Variants in ZPBP observed in about 807,000 individuals in gnomAD.
The protein encoded by ZPBP is zona pellucida-binding protein 1.
A neutral mutation model predicts 44.8 loss-of-function variants in ZPBP; 26 were observed. The ratio of observed to expected loss-of-function variants is 0.58; its 90% CI spans 0.43 to 0.81. The LOEUF is 0.81. ZPBP is among the 30% of genes least tolerant of loss of function. ZPBP has a pLI of 0.00. For missense variants in ZPBP, 409 were observed against 434.0 expected (o/e 0.94, Z 0.51); for synonymous variants, 174 against 153.2 (o/e 1.14, Z -1.00).
At chr7:49,899,036 C>T (rs1792559029) in intron 2 of ZPBP, among the ~76,000 whole-genome samples, 1 of 152,000 alleles carries the variant, frequency 6.6e-6, no homozygotes, top group Non-Finnish European at 1.5e-5. Context: ...GGGCTATATA[C>T]ACCAAGAAAC....
chr7:50,060,751 C>T (rs1455557991), intron 3 of ZPBP, among the ~76,000 whole-genome samples: 1 of 152,108 alleles, frequency 6.6e-6, no homozygotes, highest in Non-Finnish European at 1.5e-5. Context: ...GGGCTGGTAC[C>T]AATCCTAGCT....
intron 1 of ZPBP, among the ~76,000 whole-genome samples, chr7:49,901,800 T>C (rs563732770): frequency 6.7e-6 from 1 of 149,960 alleles, no homozygotes; most frequent in South Asian, 2.1e-4. Context: ...CAGTGTGGTA[T>C]TGGCAAAAGA....
intron 2 of ZPBP, among the ~76,000 whole-genome samples, chr7:49,872,934 A>AAAG (rs1371607375): frequency 2.7e-5 from 4 of 148,688 alleles, no homozygotes; most frequent in East Asian, 1.9e-4. Context: ...AAAAAAAAAA[A>AAAG]AAAGAAAGAA....
intron 7 of ZPBP, among the ~76,000 whole-genome samples, chr7:49,954,473 A>G (rs1795485223): frequency 6.6e-6 from 1 of 152,208 alleles, no homozygotes; most frequent in African/African-American, 2.4e-5. Context: ...GATTTTGTCC[A>G]TCAAAGTATA....
chr7:49,889,521 A>G (rs1334371457), intron 2 of ZPBP, among the ~76,000 whole-genome samples: 1 of 152,198 alleles, frequency 6.6e-6, no homozygotes, highest in East Asian at 1.9e-4. Flanking sequence ...CCAGTGAAAG[A>G]AGGAGTCCCG....
chr7:49,848,060 T>C (rs1290713321), downstream of ZPBP, among the ~76,000 whole-genome samples: 1 of 152,188 alleles, frequency 6.6e-6, no homozygotes, highest in African/African-American at 2.4e-5. Context: ...AGTCGGAAGC[T>C]TCTACAGGTC....
chr7:49,989,786 C>A (rs1019892013), intron 6 of ZPBP, among the ~76,000 whole-genome samples: 1 of 152,142 alleles, frequency 6.6e-6, no homozygotes, highest in South Asian at 2.1e-4. Flanking sequence ...TAGTTCTGAG[C>A]AATTATCCTG....
chr7:50,032,731 G>C (rs759202926), intron 4 of ZPBP, among the ~76,000 whole-genome samples: 35 of 152,186 alleles, frequency 2.3e-4, no homozygotes, highest in South Asian at 6.2e-4. Flanking sequence ...TGAGATTGTT[G>C]TAGTTGGTAG....
At chr7:50,088,343 T>G (rs992650800) in intron 2 of ZPBP, among the ~76,000 whole-genome samples, 1 of 151,984 alleles carries the variant, frequency 6.6e-6, no homozygotes, top group East Asian at 1.9e-4. Flanking sequence ...AACATAGGAA[T>G]AACACTTTGT....
chr7:49,960,391 G>A (rs1167156781), intron 7 of ZPBP, among the ~76,000 whole-genome samples: 1 of 151,926 alleles, frequency 6.6e-6, no homozygotes, highest in Non-Finnish European at 1.5e-5. Context: ...ACTCCAGCCT[G>A]GGCAGCAGAG....
chr7:49,856,610 A>C (rs1790426331), intron 2 of ZPBP, among the ~76,000 whole-genome samples: 1 of 152,222 alleles, frequency 6.6e-6, no homozygotes, highest in Non-Finnish European at 1.5e-5. Flanking sequence ...TAGTGTTTAC[A>C]ATTTGGTGAG....
rs372194942 is a variant in ZPBP, at chr7:49,953,479, G to C, written c.962-15857C>G. ...AGGCACTGGGTAAAGCACTTGGGAA[G>C]GTAGTAGGAAACAATTACCTCTGGA... On this transcript the variant is annotated intron_variant, in intron 7 of 7. Coordinates refer to ENST00000046087, the MANE Select transcript of ZPBP (RefSeq NM_007009.3). 1.3e-4 allele frequency among the ~76,000 whole-genome samples: 20 copies of C among 152,162 alleles called. No individual in the cohort carries two copies. The East Asian group carries it at 1.4e-3, about 10-fold the overall frequency.
chr7:50,035,428 A>T (rs1562861275), intron 4 of ZPBP, among the ~76,000 whole-genome samples: 1 of 152,210 alleles, frequency 6.6e-6, no homozygotes, highest in East Asian at 1.9e-4. Flanking sequence ...AAATATCAAC[A>T]CAGTAGAAAT....
chr7:50,020,946 T>C (rs949199415), intron 5 of ZPBP, among the ~76,000 whole-genome samples: 4 of 152,024 alleles, frequency 2.6e-5, no homozygotes, highest in Admixed American at 6.6e-5. Context: ...AAAGTTCAGG[T>C]AAATGGAAGA....
chr7:49,876,699 C>T (rs1006765385), intron 2 of ZPBP, among the ~76,000 whole-genome samples: 11 of 152,058 alleles, frequency 7.2e-5, no homozygotes, highest in African/African-American at 2.2e-4. Context: ...CCCCTTCCTC[C>T]TCCTTTTTCC....
rs139925732 is a variant in ZPBP at position 49,973,743 on chromosome 7, T to C, written c.961+9599A>G. ...GGCTTGTATATTGCTGGTGGTAATA[T>C]AAAATGGTGCAGCTGTTGTGGAAAA... On this transcript the variant is annotated intron_variant, in intron 7 of 7. Coordinates refer to ENST00000046087, the MANE Select transcript of ZPBP (RefSeq NM_007009.3). Among the ~76,000 whole-genome samples the C allele has an allele frequency of 4.8e-3, 734 of 152,222 alleles. 4 individuals are homozygous for C. Among genetic ancestry groups the C allele is most frequent in the African/African-American group, 0.017 (692 of 41,554 alleles).
downstream of ZPBP, among the ~76,000 whole-genome samples, chr7:49,935,298 A>G (rs1022553005): frequency 6.6e-6 from 1 of 152,242 alleles, no homozygotes; most frequent in Non-Finnish European, 1.5e-5. Context: ...GATAAGTGAT[A>G]TAACGAAGAA....
chr7:50,083,416 T>C (rs1802470074), intron 2 of ZPBP, among the ~76,000 whole-genome samples: 2 of 151,920 alleles, frequency 1.3e-5, no homozygotes, highest in Admixed American at 1.3e-4. Flanking sequence ...CACATAACTT[T>C]AAAGATGTCA....
At chr7:49,863,679 C>T (rs757258382) in intron 2 of ZPBP, among the ~76,000 whole-genome samples, 43 of 152,130 alleles carry the variant, frequency 2.8e-4, no homozygotes, top group Non-Finnish European at 5.4e-4. Flanking sequence ...CATCCGCCCA[C>T]CTCAGCCTCC....
Sources: gnomAD v4.1 joint callset for allele counts (sites outside exome capture counted in the v4.1 genomes callset) on GRCh38, gnomAD v4.1.1 for gene constraint, MANE v1.5 for transcripts, NCBI Gene and HGNC (gene_info 2026-07-23, HGNC 2026-07-21) for gene names.